The following DLG2 variants were observed in gnomAD, a reference collection of about 807,000 sequenced individuals.
The protein encoded by DLG2 is discs large MAGUK scaffold protein 2.
In DLG2, 45 loss-of-function variants were observed where a neutral mutation model predicts 132.5. The observed-to-expected ratio is 0.34, with a 90% CI of 0.27 to 0.44. The LOEUF (loss-of-function observed/expected upper bound fraction) is 0.44. Among genes scored for constraint, DLG2 ranks in the 20% least tolerant of loss-of-function variants. The pLI, the probability that DLG2 is intolerant of heterozygous loss-of-function variation, is 1.00. For synonymous variants in DLG2, 424 were observed against 419.6 expected, an observed-to-expected ratio of 1.01 and a Z score of -0.13; for missense variants, 1,045 against 1,196.9, an observed-to-expected ratio of 0.87 and a Z score of 1.87.
chr11:84,849,731 A>G (rs2081956793), intron 6 of DLG2, among the ~76,000 whole-genome samples: 1 of 152,100 alleles, frequency 6.6e-6, no homozygotes, highest in Non-Finnish European at 1.5e-5. Flanking sequence ...TTTCTTTTAT[A>G]GCACTTACAA....
chr11:83,846,363 G>T (rs2058604464), intron 16 of DLG2, among the ~76,000 whole-genome samples: 1 of 152,226 alleles, frequency 6.6e-6, no homozygotes, highest in Admixed American at 6.5e-5. Context: ...CTTGGATAAT[G>T]TGAAGACATT....
At chr11:84,377,386 C>T (rs188823941) in intron 7 of DLG2, among the ~76,000 whole-genome samples, 2 of 151,788 alleles carry the variant, frequency 1.3e-5, no homozygotes, top group East Asian at 3.9e-4. Flanking sequence ...CCTGTTTGGG[C>T]CCAAATTTAA....
intron 9 of DLG2, among the ~76,000 whole-genome samples, chr11:84,143,149 AG>A (rs1234929542): frequency 6.6e-6 from 1 of 150,614 alleles, no homozygotes; most frequent in Non-Finnish European, 1.5e-5. Flanking sequence ...TGGGAATATA[AG>A]GCGAATAAAA....
chr11:85,219,966 A>G (rs2074525102), intron 4 of DLG2, among the ~76,000 whole-genome samples: 1 of 151,898 alleles, frequency 6.6e-6, no homozygotes, highest in Non-Finnish European at 1.5e-5. Context: ...AACTTCCCAC[A>G]AGAAATTACA....
At chr11:84,746,473 A>G (rs2065383223) in intron 6 of DLG2, among the ~76,000 whole-genome samples, 1 of 151,552 alleles carries the variant, frequency 6.6e-6, no homozygotes, top group Non-Finnish European at 1.5e-5. Flanking sequence ...GATTTTAATT[A>G]CAGAGTTAGA....
chr11:84,432,821 G>C (rs780048019), intron 7 of DLG2, among the ~76,000 whole-genome samples: 1 of 151,990 alleles, frequency 6.6e-6, no homozygotes, highest in African/African-American at 2.4e-5. Flanking sequence ...CCAGGAGTTC[G>C]AGACCAGCCT....
At chr11:84,857,603 A>G (rs2154026499) in intron 6 of DLG2, among the ~76,000 whole-genome samples, 1 of 152,210 alleles carries the variant, frequency 6.6e-6, no homozygotes, top group Non-Finnish European at 1.5e-5. Flanking sequence ...TGTACTTTTA[A>G]CACTAAATTG....
chr11:85,134,032 G>A (rs1464713305), intron 5 of DLG2, among the ~76,000 whole-genome samples: 2 of 142,508 alleles, frequency 1.4e-5, no homozygotes, highest in Non-Finnish European at 3.1e-5. Context: ...GAATGAGGGA[G>A]AGTGAGGGAG....
chr11:84,444,566 A>T (rs1340921156), intron 7 of DLG2, among the ~76,000 whole-genome samples: 3 of 152,010 alleles, frequency 2.0e-5, no homozygotes, highest in African/African-American at 7.2e-5. Context: ...AATGTCCCTG[A>T]GTTATATATC....
At chr11:83,688,444 T>C (rs1272150121) in intron 18 of DLG2, among the ~76,000 whole-genome samples, 2 of 152,122 alleles carry the variant, frequency 1.3e-5, no homozygotes, top group African/African-American at 4.8e-5. Flanking sequence ...AGTGAAGATT[T>C]ATGCATCCAG....
chr11:85,007,847 T>C (rs1160876418), intron 6 of DLG2, among the ~76,000 whole-genome samples: 1 of 152,076 alleles, frequency 6.6e-6, no homozygotes, highest in African/African-American at 2.4e-5. Flanking sequence ...CTGATCTTAA[T>C]CTCCTAATTC....
At chr11:84,725,306 T>C (rs2062306064) in intron 6 of DLG2, among the ~76,000 whole-genome samples, 1 of 152,170 alleles carries the variant, frequency 6.6e-6, no homozygotes, top group Non-Finnish European at 1.5e-5. Context: ...AAGGAAAGCA[T>C]AGTTTTTAGA....
At chr11:85,612,034 G>A (rs543663579) in intron 2 of DLG2, among the ~76,000 whole-genome samples, 1 of 152,306 alleles carries the variant, frequency 6.6e-6, no homozygotes, top group South Asian at 2.1e-4. Context: ...GAAGGAAAGA[G>A]AGGAAGATAC....
intron 8 of DLG2, among the ~76,000 whole-genome samples, chr11:84,204,858 C>T (rs1471439752): frequency 2.6e-5 from 4 of 152,122 alleles, no homozygotes; most frequent in Non-Finnish European, 5.9e-5. Flanking sequence ...CCCGCCACCA[C>T]ACTTGGCTAT....
At chr11:84,409,531 C>T (rs1248772445) in intron 7 of DLG2, among the ~76,000 whole-genome samples, 2 of 152,212 alleles carry the variant, frequency 1.3e-5, no homozygotes, top group East Asian at 1.9e-4. Context: ...CAATACAATA[C>T]TTTCTACATG....
intron 7 of DLG2, among the ~76,000 whole-genome samples, chr11:84,381,963 T>G (rs1249669407): frequency 6.6e-6 from 1 of 152,144 alleles, no homozygotes; most frequent in Non-Finnish European, 1.5e-5. Context: ...CTGTCTGGAT[T>G]TACAGTCATA....
chr11:84,420,798 A>G (rs1178335296), intron 7 of DLG2, among the ~76,000 whole-genome samples: 1 of 149,998 alleles, frequency 6.7e-6, no homozygotes, highest in Non-Finnish European at 1.5e-5. Context: ...CCTCCCAAGT[A>G]GCTGGGACTA....
chr11:84,364,369 A>T (rs2098669085), intron 7 of DLG2, among the ~76,000 whole-genome samples: 1 of 152,120 alleles, frequency 6.6e-6, no homozygotes, highest in Non-Finnish European at 1.5e-5. Context: ...TTGTATCCTG[A>T]GACTTTGCTG....
chr11:83,479,484 C>T (rs946184476), intron 22 of DLG2, among the ~76,000 whole-genome samples: 3 of 152,086 alleles, frequency 2.0e-5, no homozygotes, highest in South Asian at 2.1e-4. Context: ...AGGTATTAGG[C>T]GTGCTTTTTG....
Sources: gnomAD v4.1 joint callset for allele counts (sites outside exome capture counted in the v4.1 genomes callset) on GRCh38, gnomAD v4.1.1 for gene constraint, MANE v1.5 for transcripts, NCBI Gene and HGNC (gene_info 2026-07-23, HGNC 2026-07-21) for gene names.